FARP1: variants seen among roughly 807,000 people sequenced by gnomAD.
FARP1 encodes FERM, ARHGEF and pleckstrin domain-containing protein 1.
FARP1 carries 52 observed loss-of-function variants against 128.8 expected under a neutral mutation model. That is an observed-to-expected ratio of 0.40 (90% CI 0.32 to 0.51). The LOEUF is 0.51. Among genes scored for constraint, FARP1 ranks in the 20% least tolerant of loss-of-function variants. The probability of loss-of-function intolerance (pLI) is 0.45; values close to 1 mark genes in which losing one functional copy is unlikely to be tolerated. For synonymous variants in FARP1, 580 were observed against 551.8 expected (o/e 1.05, Z -0.72); for missense variants, 1,333 against 1,367.9 (o/e 0.97, Z 0.40).
Position 98,177,186 on chromosome 13 carries a change from T to C in FARP1, c.-24+33694T>C, listed in dbSNP as rs766260211. 28 of 1,592,390 alleles carry C rather than the reference T, an allele frequency of 1.8e-5. 1 individual carries two copies. The Admixed American group carries it at 4.6e-4, about 26-fold the overall frequency. On this transcript the variant is annotated intron_variant, in intron 1 of 26. Coordinates refer to ENST00000319562, the MANE Select transcript of FARP1 (RefSeq NM_005766.4). ...CAGGCTTTTTGAAGAGGAAGGTGCA[T>C]ACCTGGTCTGCTTGGTCGGCCGTCC...
At chr13:98,435,935 G>A (rs1344986576) in intron 19 of FARP1, 2 of 612,788 alleles carry the variant, frequency 3.3e-6, no homozygotes, top group Non-Finnish European at 3.1e-6. Context: ...CTCCTTACGG[G>A]GTGATTCGCT....
intron 18 of FARP1, chr13:98,434,379 C>T (rs925914434): frequency 5.3e-5 from 8 of 152,184 alleles, no homozygotes; most frequent in African/African-American, 1.9e-4. Flanking sequence ...TGGCTGAGAC[C>T]GCATTCTCTG....
At chr13:98,244,947 A>C (rs1882981683) in intron 2 of FARP1, 5 of 1,324,394 alleles carry the variant, frequency 3.8e-6, no homozygotes, top group African/African-American at 1.5e-5. Context: ...GTGCCTCTTA[A>C]AGGGAAGCAA....
intron 16 of FARP1, among the ~76,000 whole-genome samples, chr13:98,421,339 G>A (rs2140144216): frequency 6.6e-6 from 1 of 152,282 alleles, no homozygotes; most frequent in East Asian, 1.9e-4. Context: ...CCCTCGCCCA[G>A]CGTCCTCTTC....
intron 2 of FARP1, among the ~76,000 whole-genome samples, chr13:98,237,802 T>C (rs1229017436): frequency 1.3e-5 from 2 of 152,076 alleles, no homozygotes; most frequent in African/African-American, 2.4e-5. Context: ...CATTTCAAGA[T>C]AAATGAATCT....
intron 2 of FARP1, among the ~76,000 whole-genome samples, chr13:98,275,096 A>G (rs1313206009): frequency 1.3e-5 from 2 of 152,222 alleles, no homozygotes; most frequent in African/African-American, 4.8e-5. Context: ...ATCTTTTGAA[A>G]GTAACATGAT....
intron 2 of FARP1, among the ~76,000 whole-genome samples, chr13:98,260,631 C>T (rs939653835): frequency 6.6e-6 from 1 of 152,214 alleles, no homozygotes; most frequent in African/African-American, 2.4e-5. Context: ...ACACTCTTCA[C>T]TCTACTTGCT....
At chr13:98,348,048 G>T (rs917383767) in intron 3 of FARP1, among the ~76,000 whole-genome samples, 1 of 152,238 alleles carries the variant, frequency 6.6e-6, no homozygotes, top group Non-Finnish European at 1.5e-5. Flanking sequence ...TAGTAAGGAT[G>T]TGAAGGAGTT....
intron 2 of FARP1, among the ~76,000 whole-genome samples, chr13:98,286,452 T>C (rs890627954): frequency 6.6e-6 from 1 of 152,206 alleles, no homozygotes; most frequent in Non-Finnish European, 1.5e-5. Flanking sequence ...TCCCATACTG[T>C]TCTCATGGTA....
intron 2 of FARP1, among the ~76,000 whole-genome samples, chr13:98,239,756 G>A (rs1882654291): frequency 6.6e-6 from 1 of 152,068 alleles, no homozygotes; most frequent in Admixed American, 6.6e-5. Context: ...GAGATGAGCG[G>A]GGAGGGGGTG....
intron 2 of FARP1, among the ~76,000 whole-genome samples, chr13:98,322,120 A>T (rs1887021122): frequency 6.6e-6 from 1 of 152,234 alleles, no homozygotes; most frequent in Non-Finnish European, 1.5e-5. Context: ...CAATGTGGTG[A>T]AACCCTGTCT....
intron 1 of FARP1, among the ~76,000 whole-genome samples, chr13:98,168,310 C>T (rs1368211509): frequency 2.0e-5 from 3 of 152,178 alleles, no homozygotes; most frequent in East Asian, 1.9e-4. Flanking sequence ...TTTCCTTTAT[C>T]GCTGAGTTTT....
At chr13:98,166,479 C>T (rs1197457016) in intron 1 of FARP1, among the ~76,000 whole-genome samples, 1 of 152,122 alleles carries the variant, frequency 6.6e-6, no homozygotes, top group Non-Finnish European at 1.5e-5. Flanking sequence ...CCAAAGCTAC[C>T]TGTAGGGGAG....
At chr13:98,151,441 C>G (rs1008366080) in intron 1 of FARP1, among the ~76,000 whole-genome samples, 1 of 151,956 alleles carries the variant, frequency 6.6e-6, no homozygotes, top group Admixed American at 6.6e-5. Flanking sequence ...GTTTCTGGGC[C>G]AAAGAGCAAG....
intron 13 of FARP1, chr13:98,395,981 C>T (rs1890525587): frequency 7.5e-6 from 3 of 399,076 alleles, no homozygotes; most frequent in Non-Finnish European, 4.4e-6. Flanking sequence ...GGAGAAGACA[C>T]TCTCCCGGAC....
intron 2 of FARP1, among the ~76,000 whole-genome samples, chr13:98,283,567 T>G (rs1885034396): frequency 6.6e-6 from 1 of 152,190 alleles, no homozygotes; most frequent in African/African-American, 2.4e-5. Context: ...TTTTTTCATC[T>G]GAGAAAAATC....
intron 5 of FARP1, among the ~76,000 whole-genome samples, chr13:98,375,449 A>C (rs549520224): frequency 6.6e-6 from 1 of 152,128 alleles, no homozygotes; most frequent in Non-Finnish European, 1.5e-5. Context: ...ACCTTTCTTC[A>C]ACTACTTGGC....
chr13:98,395,171 G>T, intron 12 of FARP1, 56 bp from the exon 13 acceptor site: 1 of 1,527,010 alleles, frequency 6.5e-7, no homozygotes, highest in Non-Finnish European at 8.8e-7. Flanking sequence ...TTCAGCCTTG[G>T]AATAACAGTC....
chr13:98,176,575 T>C lies in FARP1; in HGVS notation c.-24+33083T>C. 2 of 1,614,218 alleles carry C rather than the reference T, an allele frequency of 1.2e-6. No homozygotes were observed. Among genetic ancestry groups the C allele is most frequent in the African/African-American group, 1.3e-5 (1 of 75,066 alleles). The stretch of plus-strand genomic sequence containing the variant: ...CTCCCGTTCAATCTCCCACCCGAGC[T>C]TGTAATCGGAACGGTCGTGGAGGAA... On this transcript the variant is annotated intron_variant, in intron 1 of 26. Transcript: ENST00000319562. This position sits in a 1 kb window ranked among gnomAD's most constrained non-coding sequence, Gnocchi z 6.2.
Sources: allele counts gnomAD v4.1 joint callset (sites outside exome capture counted in the v4.1 genomes callset), GRCh38; gene constraint gnomAD v4.1.1; non-coding constraint Gnocchi (gnomAD v3.1); transcripts MANE v1.5; gene names NCBI Gene and HGNC (gene_info 2026-07-23, HGNC 2026-07-21).